Variants in CSGALNACT1 observed in about 807,000 individuals in gnomAD.
CSGALNACT1 encodes the protein chondroitin sulfate N-acetylgalactosaminyltransferase 1.
A neutral mutation model predicts 51.0 loss-of-function variants in CSGALNACT1; 52 were observed. That is an observed-to-expected ratio of 1.02 (90% CI 0.82 to 1.29). CSGALNACT1 has a LOEUF of 1.29. Ranked by LOEUF, CSGALNACT1 falls within the 50% of genes most tolerant of loss-of-function variation. The pLI is 0.00. For synonymous variants in CSGALNACT1, 341 were observed against 254.4 expected (o/e 1.34, Z -3.24); for missense variants, 935 against 679.2 (o/e 1.38, Z -4.19).
intron 1 of CSGALNACT1, among the ~76,000 whole-genome samples, chr8:19,687,718 T>A (rs540873738): frequency 6.6e-6 from 1 of 152,344 alleles, no homozygotes; most frequent in South Asian, 2.1e-4. Context: ...TAGTCTTTGA[T>A]CTTTACTCCT....
At chr8:19,493,685 A>G (rs1341805902) in intron 4 of CSGALNACT1, among the ~76,000 whole-genome samples, 2 of 152,150 alleles carry the variant, frequency 1.3e-5, no homozygotes, top group African/African-American at 4.8e-5. Flanking sequence ...ATTTCTTTCT[A>G]TGGCCAAATA....
At chr8:19,650,532 C>A (rs1200885152) in intron 1 of CSGALNACT1, among the ~76,000 whole-genome samples, 1 of 152,104 alleles carries the variant, frequency 6.6e-6, no homozygotes, top group Non-Finnish European at 1.5e-5. Flanking sequence ...CCAATGGGCA[C>A]CAACAATATG....
intron 3 of CSGALNACT1, among the ~76,000 whole-genome samples, chr8:19,567,720 T>A (rs2042175177): frequency 6.6e-6 from 1 of 152,148 alleles, no homozygotes; most frequent in African/African-American, 2.4e-5. Context: ...CTATTTTCTA[T>A]ACGTAGAAAA....
exon 4 of CSGALNACT1, chr8:19,505,272 A>C: frequency 1.9e-6 from 3 of 1,614,160 alleles, no homozygotes; most frequent in Non-Finnish European, 2.5e-6. Context: ...CAGGGTCTCC[A>C]AGGCTGATTC....
chr8:19,741,559 TCAAAA>T (rs1563195010), intron 1 of CSGALNACT1, among the ~76,000 whole-genome samples: 1 of 53,826 alleles, frequency 1.9e-5, no homozygotes, highest in Non-Finnish European at 3.7e-5. Context: ...TGAGACTCCA[TCAAAA>T]AAAAAAAAAA....
rs183762592 is a variant in CSGALNACT1, at chr8:19,412,077, C to T, written c.1228-3383G>A. On this transcript the variant is annotated intron_variant, in intron 8 of 9. Coordinates refer to ENST00000454498, the Ensembl canonical transcript of CSGALNACT1. Reference sequence around the variant, plus strand: ...CGAACTCCTGACCTCAGGTGATCCACCTGCCTCAGCCTCCTAAAGTGCTGG... The same window carrying T: ...CGAACTCCTGACCTCAGGTGATCCATCTGCCTCAGCCTCCTAAAGTGCTGG... Among the ~76,000 whole-genome samples the T allele has an allele frequency of 2.0e-3, 303 of 152,300 alleles. 2 individuals are homozygous for T. Among genetic ancestry groups the T allele is most frequent in the Non-Finnish European group, 3.5e-3 (239 of 68,020 alleles).
chr8:19,647,537 G>C (rs1182058539), intron 1 of CSGALNACT1, among the ~76,000 whole-genome samples: 1 of 152,174 alleles, frequency 6.6e-6, no homozygotes, highest in Non-Finnish European at 1.5e-5. Context: ...AGAGAGCCCA[G>C]TGATCACCTG....
chr8:19,486,871 T>C (rs1287571434), intron 4 of CSGALNACT1, among the ~76,000 whole-genome samples: 5 of 152,152 alleles, frequency 3.3e-5, no homozygotes, highest in East Asian at 1.9e-4. Flanking sequence ...TGGCTCCCCA[T>C]TGCCTGGGAC....
intron 2 of CSGALNACT1, among the ~76,000 whole-genome samples, chr8:19,595,136 C>T (rs1023225407): frequency 3.9e-5 from 6 of 152,154 alleles, no homozygotes; most frequent in East Asian, 1.9e-4. Context: ...AAATAAAAAT[C>T]GGCATTTTAT....
intron 1 of CSGALNACT1, among the ~76,000 whole-genome samples, chr8:19,654,174 G>C (rs2058066927): frequency 6.6e-6 from 1 of 152,198 alleles, no homozygotes; most frequent in Non-Finnish European, 1.5e-5. Flanking sequence ...CAGTAAGTCA[G>C]TAATAGTCAC....
intron 1 of CSGALNACT1, among the ~76,000 whole-genome samples, chr8:19,667,242 G>A (rs184591051): frequency 5.1e-5 from 7 of 136,786 alleles, no homozygotes; most frequent in East Asian, 2.1e-4. Flanking sequence ...CAAACATGGC[G>A]AAACCCCATC....
chr8:19,458,459 A>G (rs767392186), exon 5 of CSGALNACT1: 3 of 1,614,126 alleles, frequency 1.9e-6, no homozygotes, highest in East Asian at 4.5e-5. Flanking sequence ...GAACTTGTCC[A>G]CCCTTTTTGC....
chr8:19,500,444 A>G (rs1247114659), intron 4 of CSGALNACT1, among the ~76,000 whole-genome samples: 1 of 111,096 alleles, frequency 9.0e-6, no homozygotes, highest in African/African-American at 3.6e-5. Context: ...TATGATTTCC[A>G]CCACAAGTCA....
chr8:19,514,375 C>G (rs532232264), intron 3 of CSGALNACT1, among the ~76,000 whole-genome samples: 1 of 150,710 alleles, frequency 6.6e-6, no homozygotes, highest in South Asian at 2.1e-4. Flanking sequence ...AGTTTTGCTG[C>G]TTTTCCTCCT....
intron 1 of CSGALNACT1, among the ~76,000 whole-genome samples, chr8:19,729,383 T>A (rs897346250): frequency 2.6e-5 from 4 of 152,174 alleles, no homozygotes; most frequent in Non-Finnish European, 5.9e-5. Context: ...TCCTCATTCC[T>A]CTAAGGGTAG....
chr8:19,739,085 A>C (rs2064155145), intron 1 of CSGALNACT1, among the ~76,000 whole-genome samples: 1 of 151,978 alleles, frequency 6.6e-6, no homozygotes, highest in Non-Finnish European at 1.5e-5. Flanking sequence ...TGAAAACAGC[A>C]TGGTGGTTAT....
At chr8:19,624,133 A>G (rs2054163511) in intron 1 of CSGALNACT1, among the ~76,000 whole-genome samples, 2 of 152,162 alleles carry the variant, frequency 1.3e-5, no homozygotes, top group Admixed American at 1.3e-4. Flanking sequence ...ATCGGTCCCT[A>G]GACTATTTGG....
chr8:19,407,372 G>A (rs1380817068), intron 9 of CSGALNACT1, among the ~76,000 whole-genome samples: 1 of 152,104 alleles, frequency 6.6e-6, no homozygotes, highest in East Asian at 1.9e-4. Flanking sequence ...AGCTCGTGGG[G>A]AGCCTGGGGA....
intron 1 of CSGALNACT1, among the ~76,000 whole-genome samples, chr8:19,629,863 G>GA (rs1489013324): frequency 1.3e-5 from 2 of 152,206 alleles, no homozygotes; most frequent in Non-Finnish European, 2.9e-5. Flanking sequence ...AATTGAATTA[G>GA]AAAAAATGAC....
Sources: allele counts gnomAD v4.1 joint callset (sites outside exome capture counted in the v4.1 genomes callset), GRCh38; gene constraint gnomAD v4.1.1; transcripts MANE v1.5; gene names NCBI Gene and HGNC (gene_info 2026-07-23, HGNC 2026-07-21).